LEKR1: variants seen among roughly 807,000 people sequenced by gnomAD.
LEKR1 encodes the protein leucine, glutamate and lysine rich 1.
A neutral mutation model predicts 72.4 loss-of-function variants in LEKR1; 59 were observed. The observed-to-expected ratio is 0.82, with a 90% CI of 0.66 to 1.01. The LOEUF is 1.01. Among genes scored for constraint, LEKR1 ranks in the 50% least tolerant of loss-of-function variants. LEKR1 has a pLI of 0.00. For missense variants in LEKR1, 728 were observed against 759.2 expected (o/e 0.96, Z 0.48); for synonymous variants, 257 against 263.2 (o/e 0.98, Z 0.23).
At position 156,829,351 on chromosome 3, in the gene LEKR1, C is replaced by G. The variant is rs1216707645; in HGVS notation, c.22C>G (p.His8Asp). The G allele has an allele frequency of 6.5e-7, 1 of 1,534,414 alleles. No individual in the cohort carries two copies. Among genetic ancestry groups the G allele is most frequent in the Admixed American group, 2.0e-5 (1 of 50,676 alleles). The change falls in exon 2 of 13, where the codon CAT becomes GAT. Residue 8 changes from histidine to aspartate, a missense_variant. His to Asp is a moderately conservative substitution (Grantham distance 81). Transcript: ENST00000356539. MDHHIPMHALPEEIQKML... is the reference protein window; with the variant it reads MDHHIPMDALPEEIQKML... ...AGTTATGGATCATCACATTCCCATG[C>G]ATGCGTTGCCTGAAGAAATCCAAAA...
chr3:156,942,686 A>G lies in LEKR1; in HGVS notation c.717A>G (p.Arg239=), dbSNP rs1726324350. ...AACAGGAAGTAAACTTGCAAACCAG[A>G]TGCTATGATTTGCAAAAAGAAGTAC... ...SRQQEVNLQT[R]CYDLQKEVLD... Residue 239 remains arginine, a synonymous_variant, in exon 6 of 13, where the codon AGA becomes AGG. Coordinates refer to ENST00000356539, the MANE Select transcript of LEKR1 (RefSeq NM_001004316.3). The G allele has an allele frequency of 2.4e-6, 3 of 1,257,592 alleles. No individual in the cohort carries two copies. In the South Asian group the frequency reaches 4.0e-5, roughly 17 times the overall value. 77.9% of individuals were successfully genotyped at this position (1,257,592 alleles called of 1,614,324 possible). A position where few individuals can be genotyped will look rare whatever the true frequency, so the allele number is the denominator to read the frequency against.
intron 3 of LEKR1, among the ~76,000 whole-genome samples, chr3:156,889,798 G>A (rs1720473823): frequency 6.6e-6 from 1 of 152,010 alleles, no homozygotes. Context: ...TTAAATCAAG[G>A]CGGAATTCAA....
intron 12 of LEKR1, among the ~76,000 whole-genome samples, chr3:157,029,380 A>C (rs539909216): frequency 6.6e-6 from 1 of 152,150 alleles, no homozygotes; most frequent in Non-Finnish European, 1.5e-5. Flanking sequence ...GAAATTATTT[A>C]CATGTTACAA....
chr3:156,833,448 T>C (rs1392399425), intron 2 of LEKR1, among the ~76,000 whole-genome samples: 1 of 152,220 alleles, frequency 6.6e-6, no homozygotes, highest in Non-Finnish European at 1.5e-5. Context: ...GAAATTTGGT[T>C]ATTTTTGTGG....
At position 157,037,006 on chromosome 3, in the gene LEKR1, T is replaced by G. The variant is rs141307553; in HGVS notation, c.1669-8334T>G. 1.4e-4 allele frequency among the ~76,000 whole-genome samples: 22 copies of G among 152,300 alleles called. No homozygotes were observed. In the East Asian group the frequency reaches 3.7e-3, roughly 25 times the overall value. ...AACATGGCCCAGATGTGCATATGCT[T>G]ATATACTATAATCATATAAAGATGA... On this transcript the variant is annotated intron_variant, in intron 12 of 12. Coordinates refer to ENST00000356539, the MANE Select transcript of LEKR1 (RefSeq NM_001004316.3).
intron 2 of LEKR1, among the ~76,000 whole-genome samples, chr3:156,850,647 G>C (rs1482104873): frequency 6.6e-6 from 1 of 152,190 alleles, no homozygotes; most frequent in African/African-American, 2.4e-5. Context: ...TGTGCCAAAG[G>C]TGACCTAAGT....
intron 8 of LEKR1, among the ~76,000 whole-genome samples, 163 bp downstream of exon 8, chr3:156,992,893 G>C (rs140302360): frequency 6.6e-6 from 1 of 151,970 alleles, no homozygotes; most frequent in Non-Finnish European, 1.5e-5. Flanking sequence ...GGTTATTGCT[G>C]TTGCCACTGC....
chr3:156,864,037 A>T (rs766045016), intron 3 of LEKR1, among the ~76,000 whole-genome samples: 15 of 152,050 alleles, frequency 9.9e-5, no homozygotes, highest in Non-Finnish European at 2.2e-4. Flanking sequence ...TAAAGTGAAG[A>T]TGTAGTGAGA....
At chr3:156,949,671 G>A (rs1726983568) in intron 6 of LEKR1, among the ~76,000 whole-genome samples, 1 of 151,070 alleles carries the variant, frequency 6.6e-6, no homozygotes, top group Non-Finnish European at 1.5e-5. Context: ...GTTTTCACAA[G>A]GATTTTACAA....
intron 3 of LEKR1, among the ~76,000 whole-genome samples, chr3:156,919,759 T>C (rs1430650769): frequency 2.0e-5 from 3 of 152,210 alleles, no homozygotes; most frequent in Non-Finnish European, 2.9e-5. Flanking sequence ...ATCAAGTTTA[T>C]AATGTTACCA....
At chr3:156,829,398 A>G in intron 2 of LEKR1, 21 bp downstream of exon 2, 2 of 1,498,436 alleles carry the variant, frequency 1.3e-6, no homozygotes. Flanking sequence ...TTGTGTTGCT[A>G]CAGCCTAACA....
intron 12 of LEKR1, among the ~76,000 whole-genome samples, chr3:157,033,923 C>G (rs1008193108): frequency 9.2e-5 from 14 of 152,106 alleles, no homozygotes; most frequent in Non-Finnish European, 1.6e-4. Flanking sequence ...TCCTAACACC[C>G]TTAAGAATTA....
chr3:156,930,071 A>C (rs1725068196), intron 5 of LEKR1, among the ~76,000 whole-genome samples: 1 of 152,212 alleles, frequency 6.6e-6, no homozygotes, highest in Non-Finnish European at 1.5e-5. Context: ...CAGCTTTTCC[A>C]GTTAAATTGG....
At chr3:156,964,492 T>G (rs1728390866) in intron 6 of LEKR1, among the ~76,000 whole-genome samples, 1 of 152,128 alleles carries the variant, frequency 6.6e-6, no homozygotes, top group African/African-American at 2.4e-5. Context: ...TAAAACATAT[T>G]TGTGTTGTTT....
chr3:156,851,942 C>T (rs1715416322), intron 2 of LEKR1, among the ~76,000 whole-genome samples: 2 of 152,126 alleles, frequency 1.3e-5, no homozygotes, highest in Non-Finnish European at 2.9e-5. Flanking sequence ...AACTATCTCC[C>T]TTCTGACTTG....
intron 3 of LEKR1, among the ~76,000 whole-genome samples, chr3:156,869,925 A>G (rs1717731710): frequency 6.6e-6 from 1 of 151,938 alleles, no homozygotes; most frequent in Admixed American, 6.6e-5. Context: ...CTGGATGTGG[A>G]TACCCAATTT....
intron 6 of LEKR1, among the ~76,000 whole-genome samples, chr3:156,959,590 A>C (rs1012364166): frequency 1.4e-4 from 21 of 152,066 alleles, no homozygotes; most frequent in Middle Eastern, 3.2e-3. Flanking sequence ...TTCAAACTCT[A>C]TACTATCCAT....
chr3:156,912,546 C>T (rs1233847306), intron 3 of LEKR1, among the ~76,000 whole-genome samples: 3 of 152,198 alleles, frequency 2.0e-5, no homozygotes, highest in African/African-American at 7.2e-5. Flanking sequence ...TGCCTATCTG[C>T]TGTCAAAGTC....
chr3:156,977,981 A>G (rs547944054), intron 6 of LEKR1, among the ~76,000 whole-genome samples: 1 of 152,326 alleles, frequency 6.6e-6, no homozygotes, highest in East Asian at 1.9e-4. Flanking sequence ...CCATATGGTC[A>G]GTAGCAGGTA....
Sources: gnomAD v4.1 joint callset for allele counts (sites outside exome capture counted in the v4.1 genomes callset) on GRCh38, gnomAD v4.1.1 for gene constraint, MANE v1.5 for transcripts, NCBI Gene and HGNC (gene_info 2026-07-23, HGNC 2026-07-21) for gene names.